SCAPER: variants seen among roughly 807,000 people sequenced by gnomAD.
SCAPER encodes the protein S-phase cyclin A associated protein in the ER, also known as S phase cyclin A-associated protein in the endoplasmic reticulum.
A neutral mutation model predicts 182.2 loss-of-function variants in SCAPER; 98 were observed. The observed-to-expected ratio is 0.54, with a 90% CI of 0.46 to 0.64. SCAPER has a LOEUF of 0.64. SCAPER is among the 30% of genes least tolerant of loss of function. SCAPER has a pLI of 0.00. For missense variants in SCAPER, 1,432 were observed against 1,690.0 expected, an observed-to-expected ratio of 0.85 and a Z score of 2.68; for synonymous variants, 605 against 564.6, an observed-to-expected ratio of 1.07 and a Z score of -1.01.
At chr15:76,862,309 A>C (rs1234909324) in intron 3 of SCAPER, 107 bp downstream of exon 3, 1 of 587,910 alleles carries the variant, frequency 1.7e-6, no homozygotes, top group Non-Finnish European at 2.9e-6. Context: ...TAACATACTA[A>C]TCAGCCCTAG....
At chr15:76,424,377 CTTCT>C (rs767121292) in intron 26 of SCAPER, among the ~76,000 whole-genome samples, 1 of 152,128 alleles carries the variant, frequency 6.6e-6, no homozygotes, top group Non-Finnish European at 1.5e-5. Flanking sequence ...ATGTAACGGC[CTTCT>C]TTGTCTCTTT....
At chr15:76,739,479 G>A (rs573069259) in intron 15 of SCAPER, among the ~76,000 whole-genome samples, 5 of 152,280 alleles carry the variant, frequency 3.3e-5, no homozygotes, top group African/African-American at 1.2e-4. Flanking sequence ...GTGAACACAA[G>A]CACTGTGATA....
intron 23 of SCAPER, among the ~76,000 whole-genome samples, chr15:76,541,307 C>A (rs1295989202): frequency 6.6e-6 from 1 of 152,074 alleles, no homozygotes; most frequent in Non-Finnish European, 1.5e-5. Flanking sequence ...ATAAGCTGCT[C>A]TAATCAACTT....
intron 25 of SCAPER, among the ~76,000 whole-genome samples, chr15:76,448,946 A>G (rs749979633): frequency 6.6e-6 from 1 of 152,224 alleles, no homozygotes; most frequent in Admixed American, 6.5e-5. Flanking sequence ...TCTACTGGAC[A>G]GCACTTAGTG....
intron 26 of SCAPER, among the ~76,000 whole-genome samples, chr15:76,406,570 C>T (rs551623218): frequency 1.3e-5 from 2 of 151,894 alleles, no homozygotes; most frequent in South Asian, 4.2e-4. Flanking sequence ...ATTGCTTGAG[C>T]CCAGAAGTTT....
intron 25 of SCAPER, among the ~76,000 whole-genome samples, chr15:76,438,573 C>T (rs1358630244): frequency 1.3e-5 from 2 of 152,170 alleles, no homozygotes; most frequent in Non-Finnish European, 2.9e-5. Context: ...ATAAAGTAAA[C>T]ACAAATGGAG....
At chr15:76,373,465 T>G (rs1405186367) in intron 29 of SCAPER, among the ~76,000 whole-genome samples, 1 of 152,186 alleles carries the variant, frequency 6.6e-6, no homozygotes, top group African/African-American at 2.4e-5. Context: ...ACGGATGATT[T>G]CCCTCAACTT....
Position 76,555,338 on chromosome 15 carries a change from T to C in SCAPER, c.2838+18820A>G, listed in dbSNP as rs147706992. On this transcript the variant is annotated intron_variant, in intron 23 of 31. Transcript: ENST00000563290. The stretch of plus-strand genomic sequence containing the variant: ...CAACTCCACAATTGAGTATGCATAA[T>C]AACTAGCTAACAACAAGATGACAGG... Among the ~76,000 whole-genome samples the C allele has an allele frequency of 2.7e-3, 416 of 152,232 alleles. 4 individuals are homozygous for C. Among genetic ancestry groups the C allele is most frequent in the South Asian group, 0.02 (98 of 4,814 alleles).
chr15:76,755,753 C>T (rs1472498610), intron 14 of SCAPER, among the ~76,000 whole-genome samples: 2 of 152,126 alleles, frequency 1.3e-5, no homozygotes, highest in African/African-American at 4.8e-5. Context: ...TTTCCTTTCT[C>T]TCCCCCACTC....
Position 76,434,328 on chromosome 15 carries a change from A to G in SCAPER, c.3079-18T>C, listed in dbSNP as rs781669959. 6.4e-7 allele frequency: 1 copy of G among 1,557,480 alleles called. No individual in the cohort carries two copies. The highest frequency in any genetic ancestry group is 8.8e-7 in the Non-Finnish European group (1 of 1,137,944). On this transcript the variant is annotated intron_variant, in intron 25 of 31. Transcript: ENST00000563290. Reference sequence around the variant, plus strand: ...ACATAAACCTAGATGAAAAAAAAGTACAGTAAATATGTTTCAATAAAACCA... The same window carrying G: ...ACATAAACCTAGATGAAAAAAAAGTGCAGTAAATATGTTTCAATAAAACCA...
At chr15:76,890,890 C>T (rs1568418127) in intron 1 of SCAPER, among the ~76,000 whole-genome samples, 1 of 152,132 alleles carries the variant, frequency 6.6e-6, no homozygotes, top group African/African-American at 2.4e-5. Context: ...GACCAATATC[C>T]CTGATGAACA....
chr15:76,535,429 G>A (rs2044051402), intron 23 of SCAPER, among the ~76,000 whole-genome samples: 1 of 149,266 alleles, frequency 6.7e-6, no homozygotes, highest in Non-Finnish European at 1.5e-5. Context: ...GGCTGAGGCA[G>A]GAGAATGGTG....
At chr15:76,487,532 TAAC>T (rs1160485221) in intron 24 of SCAPER, among the ~76,000 whole-genome samples, 2 of 152,194 alleles carry the variant, frequency 1.3e-5, no homozygotes, top group Non-Finnish European at 2.9e-5. Flanking sequence ...CTTCAGTTAG[TAAC>T]AACATATCAA....
chr15:76,424,329 T>C (rs1363495296), intron 26 of SCAPER, among the ~76,000 whole-genome samples: 1 of 152,220 alleles, frequency 6.6e-6, no homozygotes, highest in Non-Finnish European at 1.5e-5. Context: ...ATGTTTAGGA[T>C]AGTTAGCTCT....
chr15:76,850,465 A>G (rs948947030), intron 4 of SCAPER, among the ~76,000 whole-genome samples: 3 of 152,188 alleles, frequency 2.0e-5, no homozygotes, highest in East Asian at 3.8e-4. Flanking sequence ...GAAAGAACCA[A>G]TGCAAGAACT....
intron 4 of SCAPER, among the ~76,000 whole-genome samples, chr15:76,854,803 CA>C (rs35484908): frequency 0.53 from 62,913 of 118,224 alleles, 16,601 homozygotes; most frequent in Middle Eastern, 0.62. Context: ...ACTAAAAATA[CA>C]AAAAAAAAAA....
At chr15:76,553,381 A>G (rs552853302) in intron 23 of SCAPER, among the ~76,000 whole-genome samples, 1 of 152,214 alleles carries the variant, frequency 6.6e-6, no homozygotes, top group South Asian at 2.1e-4. Context: ...CCACATGGCC[A>G]ACACGTGGAC....
chr15:76,603,392 T>C lies in SCAPER; in HGVS notation c.2711+18372A>G, dbSNP rs868280616. 5.7e-5 allele frequency among the ~76,000 whole-genome samples: 7 copies of C among 122,144 alleles called. 1 individual carries two copies. The highest frequency in any genetic ancestry group is 1.0e-4 in the Non-Finnish European group (5 of 50,222). 80.1% of individuals were successfully genotyped at this position (122,144 alleles called of 152,430 possible). A position where few individuals can be genotyped will look rare whatever the true frequency, so the allele number is the denominator to read the frequency against. On this transcript the variant is annotated intron_variant, in intron 22 of 31. Transcript: ENST00000563290. ...TTTTTTATGGCTGCATAGTATTCCA[T>C]GGTGTATATGTGCCACGTTTTCTTA... is the stretch of plus-strand genomic sequence containing the variant.
chr15:76,890,929 G>A (rs2074128573), intron 1 of SCAPER, among the ~76,000 whole-genome samples: 1 of 152,144 alleles, frequency 6.6e-6, no homozygotes, highest in African/African-American at 2.4e-5. Flanking sequence ...ATAGAATACT[G>A]GCAAACTGAA....
Sources: allele counts gnomAD v4.1 joint callset (sites outside exome capture counted in the v4.1 genomes callset), GRCh38; gene constraint gnomAD v4.1.1; transcripts MANE v1.5; gene names NCBI Gene and HGNC (gene_info 2026-07-23, HGNC 2026-07-21).